The following TASP1 variants were observed in gnomAD, a reference collection of about 807,000 sequenced individuals.
The protein encoded by TASP1 is taspase 1, also known as threonine aspartase 1.
TASP1 carries 16 observed loss-of-function variants against 56.6 expected under a neutral mutation model. The ratio of observed to expected loss-of-function variants is 0.28; its 90% CI spans 0.19 to 0.43. The LOEUF is 0.43. TASP1 is among the 20% of genes least tolerant of loss of function. The probability of loss-of-function intolerance (pLI) is 1.00; values close to 1 mark genes in which losing one functional copy is unlikely to be tolerated. For missense variants in TASP1, 393 were observed against 511.6 expected (o/e 0.77, Z 2.24); for synonymous variants, 179 against 184.2 (o/e 0.97, Z 0.23).
At chr20:13,209,808 T>C in the TASP1 span, among the ~76,000 whole-genome samples, 1 of 152,222 alleles carries the variant, frequency 6.6e-6, no homozygotes, top group African/African-American at 2.4e-5. Context: ...ATAACAAATA[T>C]AGTCAAACCC....
chr20:13,161,847 G>A, the TASP1 span, among the ~76,000 whole-genome samples: 15 of 152,064 alleles, frequency 9.9e-5, no homozygotes, highest in Non-Finnish European at 1.6e-4. Flanking sequence ...CACACACACA[G>A]AGTTGCCATG....
chr20:13,356,765 ACT>A, the TASP1 span, among the ~76,000 whole-genome samples: 1 of 151,960 alleles, frequency 6.6e-6, no homozygotes, highest in East Asian at 1.9e-4. Context: ...CAGATCTGAA[ACT>A]CTATCCATAT....
chr20:13,339,628 T>C, the TASP1 span, among the ~76,000 whole-genome samples: 1 of 152,200 alleles, frequency 6.6e-6, no homozygotes, highest in South Asian at 2.1e-4. Flanking sequence ...GATTTTTTTT[T>C]GTAGACACCA....
At chr20:13,544,575 T>C (rs2045740552) in intron 8 of TASP1, among the ~76,000 whole-genome samples, 1 of 152,188 alleles carries the variant, frequency 6.6e-6, no homozygotes, top group Non-Finnish European at 1.5e-5. Flanking sequence ...TAATAGGATA[T>C]GAATTCATTA....
In TASP1 at chr20:13,389,730, A is replaced by G. The variant is rs2041205638; in HGVS notation, c.*630T>C. On this transcript the variant is annotated 3_prime_UTR_variant, in exon 14 of 14. Transcript: ENST00000337743. ...GTATCAATCAGACTATTATTTAAAA[A>G]GGTTCTGACATTAATTCTCTGCTAG... 1 of 152,876 alleles carries G rather than the reference A, an allele frequency of 6.5e-6. No individual in the cohort carries two copies. Among genetic ancestry groups the G allele is most frequent in the African/African-American group, 2.4e-5 (1 of 41,466 alleles). The allele number at this position is 152,876 out of a possible 1,614,324, so 9.5% of individuals were successfully genotyped here. A position where few individuals can be genotyped will look rare whatever the true frequency, so the allele number is the denominator to read the frequency against.
intron 10 of TASP1, among the ~76,000 whole-genome samples, chr20:13,500,172 G>A (rs1327048191): frequency 6.7e-6 from 1 of 149,794 alleles, no homozygotes; most frequent in East Asian, 1.9e-4. Context: ...TGTATAAAGG[G>A]CTGAAATGTT....
At chr20:13,635,985 G>C (rs1417811643) in intron 1 of TASP1, among the ~76,000 whole-genome samples, 2 of 151,830 alleles carry the variant, frequency 1.3e-5, no homozygotes, top group Non-Finnish European at 2.9e-5. Context: ...CTGTTGCTGT[G>C]GTGTTAAAGT....
chr20:13,603,834 C>T (rs1420937617), intron 4 of TASP1, among the ~76,000 whole-genome samples: 1 of 152,122 alleles, frequency 6.6e-6, no homozygotes, highest in Non-Finnish European at 1.5e-5. Context: ...TTTGGACTTC[C>T]ATGTTTATCT....
At chr20:13,537,164 T>C (rs1372166313) in intron 8 of TASP1, among the ~76,000 whole-genome samples, 1 of 152,164 alleles carries the variant, frequency 6.6e-6, no homozygotes, top group Non-Finnish European at 1.5e-5. Flanking sequence ...TGAGAACTGT[T>C]ATACCTAACC....
chr20:13,452,265 AG>A (rs1732985489), intron 11 of TASP1, among the ~76,000 whole-genome samples: 1 of 152,106 alleles, frequency 6.6e-6, no homozygotes, highest in South Asian at 2.1e-4. Context: ...GAGTTGCCAT[AG>A]ATCTTCAATT....
the TASP1 span, among the ~76,000 whole-genome samples, chr20:13,111,273 G>A: frequency 6.6e-6 from 1 of 152,080 alleles, no homozygotes; most frequent in Admixed American, 6.6e-5. Context: ...ACCTCCTCCA[G>A]CCAGCCCAGA....
At chr20:13,534,642 T>C (rs1462715701) in intron 8 of TASP1, among the ~76,000 whole-genome samples, 1 of 152,208 alleles carries the variant, frequency 6.6e-6, no homozygotes, top group African/African-American at 2.4e-5. Context: ...TACCACACTA[T>C]CATTTTTCTC....
At chr20:13,169,535 C>CA in the TASP1 span, among the ~76,000 whole-genome samples, 2 of 152,114 alleles carry the variant, frequency 1.3e-5, no homozygotes, top group Non-Finnish European at 2.9e-5. Context: ...AGGGTCAAGT[C>CA]AAAATGACAA....
the TASP1 span, among the ~76,000 whole-genome samples, chr20:13,171,574 T>C: frequency 6.6e-6 from 1 of 152,184 alleles, no homozygotes; most frequent in African/African-American, 2.4e-5. Flanking sequence ...AATGAAAATA[T>C]TTTATTAAAG....
chr20:13,432,813 CA>C, intron 12 of TASP1, among the ~76,000 whole-genome samples: 1 of 152,152 alleles, frequency 6.6e-6, no homozygotes, highest in East Asian at 1.9e-4. Flanking sequence ...AAAAGACAAC[CA>C]AAAAGACATT....
At chr20:13,575,074 A>T (rs967518308) in intron 6 of TASP1, among the ~76,000 whole-genome samples, 8 of 152,232 alleles carry the variant, frequency 5.3e-5, no homozygotes, top group Non-Finnish European at 7.3e-5. Context: ...TTTACCAAAT[A>T]TTAGCAAACT....
chr20:13,635,579 G>T (rs1298347047), intron 1 of TASP1, among the ~76,000 whole-genome samples: 3 of 151,892 alleles, frequency 2.0e-5, no homozygotes, highest in Non-Finnish European at 4.4e-5. Flanking sequence ...GTAGAGACAG[G>T]AATTCACTAT....
chr20:13,515,671 A>G (rs6042191), intron 10 of TASP1, among the ~76,000 whole-genome samples: 1,709 of 152,194 alleles, frequency 0.011, 41 homozygotes, highest in African/African-American at 0.038. Flanking sequence ...TTACACTGAC[A>G]ATGTCCAGGG....
At chr20:13,437,048 A>C (rs1301754069) in intron 11 of TASP1, among the ~76,000 whole-genome samples, 3 of 152,108 alleles carry the variant, frequency 2.0e-5, no homozygotes, top group South Asian at 2.1e-4. Flanking sequence ...TGGCAGAGAC[A>C]CAACAAAAAA....
Sources: gnomAD v4.1 joint callset for allele counts (sites outside exome capture counted in the v4.1 genomes callset) on GRCh38, gnomAD v4.1.1 for gene constraint, MANE v1.5 for transcripts, NCBI Gene and HGNC (gene_info 2026-07-23, HGNC 2026-07-21) for gene names.